The following CCSER1 variants were observed in gnomAD, a reference collection of about 807,000 sequenced individuals.
The protein encoded by CCSER1 is serine-rich coiled-coil domain-containing protein 1.
A neutral mutation model predicts 82.0 loss-of-function variants in CCSER1; 41 were observed. That is an observed-to-expected ratio of 0.50 (90% CI 0.39 to 0.65). CCSER1 has a LOEUF of 0.65. CCSER1 is among the 30% of genes least tolerant of loss of function. The pLI is 0.00. For synonymous variants in CCSER1, 414 were observed against 383.9 expected, an observed-to-expected ratio of 1.08 and a Z score of -0.92; for missense variants, 1,119 against 1,064.2, an observed-to-expected ratio of 1.05 and a Z score of -0.72.
chr4:90,571,292 C>A lies in CCSER1; in HGVS notation c.1725-56733C>A, dbSNP rs1421758337. ...GACACCTTCACTCATATGTTTATTG[C>A]AACACTATTCACAATAGTAAAGGGA... On this transcript the variant is annotated intron_variant, in intron 5 of 10. Transcript: ENST00000509176. 3.3e-5 allele frequency among the ~76,000 whole-genome samples: 5 copies of A among 152,248 alleles called. No homozygotes were observed. The South Asian group carries it at 1.0e-3, about 32-fold the overall frequency.
intron 6 of CCSER1, among the ~76,000 whole-genome samples, chr4:90,688,045 A>G (rs1435593036): frequency 1.3e-5 from 2 of 152,148 alleles, no homozygotes; most frequent in African/African-American, 4.8e-5. Context: ...ATGCAGAAAC[A>G]TAGAATGTTA....
chr4:91,305,918 C>T (rs192906996), intron 10 of CCSER1, among the ~76,000 whole-genome samples: 211 of 149,800 alleles, frequency 1.4e-3, no homozygotes, highest in African/African-American at 4.8e-3. Context: ...CTCACTATCA[C>T]GAGAACAGCA....
intron 10 of CCSER1, among the ~76,000 whole-genome samples, chr4:91,282,949 C>T (rs1333951249): frequency 4.6e-5 from 7 of 151,958 alleles, no homozygotes; most frequent in East Asian, 1.9e-4. Context: ...TCATACTTTT[C>T]GTGTGCTAAG....
intron 8 of CCSER1, among the ~76,000 whole-genome samples, chr4:90,850,652 C>A (rs575372663): frequency 6.6e-6 from 1 of 152,174 alleles, no homozygotes; most frequent in African/African-American, 2.4e-5. Flanking sequence ...TTGGAATGGA[C>A]GCATTTACCC....
intron 10 of CCSER1, among the ~76,000 whole-genome samples, chr4:91,258,718 A>T (rs750062927): frequency 6.6e-6 from 1 of 152,180 alleles, no homozygotes; most frequent in Non-Finnish European, 1.5e-5. Context: ...GTCAAGTCCT[A>T]TGCTAATATG....
At chr4:90,550,103 G>T (rs991284326) in intron 5 of CCSER1, among the ~76,000 whole-genome samples, 7 of 152,098 alleles carry the variant, frequency 4.6e-5, no homozygotes, top group Admixed American at 2.6e-4. Context: ...AATTTGGAAA[G>T]CAGGGAAGGG....
chr4:90,168,276 T>C (rs901628468), intron 1 of CCSER1, among the ~76,000 whole-genome samples: 1 of 152,142 alleles, frequency 6.6e-6, no homozygotes, highest in Non-Finnish European at 1.5e-5. Flanking sequence ...ATGTCTTCTT[T>C]TGAGAAGTGT....
chr4:90,984,819 AGTCT>A lies in CCSER1; in HGVS notation c.2172+61375_2172+61378del, dbSNP rs1216022385. Among the ~76,000 whole-genome samples, 6 of 151,850 alleles carry A rather than the reference AGTCT, an allele frequency of 4.0e-5. No homozygotes were observed. The East Asian group carries it at 1.2e-3, about 29-fold the overall frequency. ...TTTCTACAGTCAGACTTAGTATCTT[AGTCT>A]GTACACAGTCAGACTTAGTATCTTA... On this transcript the variant is annotated intron_variant, in intron 9 of 10. Transcript: ENST00000509176.
At chr4:90,830,042 G>T (rs758314701) in intron 8 of CCSER1, among the ~76,000 whole-genome samples, 5 of 152,162 alleles carry the variant, frequency 3.3e-5, no homozygotes, top group Non-Finnish European at 7.3e-5. Flanking sequence ...AGCCTGTGTG[G>T]ACCATCAGGA....
At chr4:90,749,827 A>G (rs948249778) in intron 7 of CCSER1, among the ~76,000 whole-genome samples, 6 of 151,784 alleles carry the variant, frequency 4.0e-5, no homozygotes, top group Non-Finnish European at 8.8e-5. Flanking sequence ...TGGCTGGGTC[A>G]AATGGTATTT....
chr4:91,389,950 C>T (rs187351837), intron 10 of CCSER1, among the ~76,000 whole-genome samples: 3 of 152,038 alleles, frequency 2.0e-5, no homozygotes, highest in Non-Finnish European at 4.4e-5. Context: ...ATCACTAGTT[C>T]CAGAAATTTT....
At chr4:91,130,332 T>C (rs1422731241) in intron 10 of CCSER1, among the ~76,000 whole-genome samples, 3 of 151,942 alleles carry the variant, frequency 2.0e-5, no homozygotes, top group Non-Finnish European at 4.4e-5. Context: ...ATAACCAACA[T>C]TTACATTATC....
intron 8 of CCSER1, among the ~76,000 whole-genome samples, chr4:90,822,454 C>A (rs1363980600): frequency 6.6e-6 from 1 of 152,092 alleles, no homozygotes; most frequent in Non-Finnish European, 1.5e-5. Context: ...TTTGGCTGGG[C>A]CTGGTGACTC....
Position 90,503,681 on chromosome 4 carries a change from C to G in CCSER1, c.1724+35327C>G, listed in dbSNP as rs776209601. Among the ~76,000 whole-genome samples, 4 of 152,054 alleles carry G rather than the reference C, an allele frequency of 2.6e-5. No homozygotes were observed. In the South Asian group the frequency reaches 8.3e-4, roughly 32 times the overall value. On this transcript the variant is annotated intron_variant, in intron 5 of 10. Coordinates refer to ENST00000509176, the MANE Select transcript of CCSER1 (RefSeq NM_001145065.2). ...TGCGGTTTTTGGTTTTTTCTCCTTGCGATAGTTTGCTGAGAAGGATGGTTT... is the reference window on the plus strand; with the variant it reads ...TGCGGTTTTTGGTTTTTTCTCCTTGGGATAGTTTGCTGAGAAGGATGGTTT...
intron 1 of CCSER1, among the ~76,000 whole-genome samples, chr4:90,225,396 T>C (rs1742980179): frequency 6.6e-6 from 1 of 152,012 alleles, no homozygotes; most frequent in Non-Finnish European, 1.5e-5. Context: ...TTCTGTTACC[T>C]ATTCTAAAGT....
chr4:91,421,366 G>C (rs1435143325), intron 10 of CCSER1, among the ~76,000 whole-genome samples: 2 of 152,144 alleles, frequency 1.3e-5, no homozygotes, highest in African/African-American at 4.8e-5. Flanking sequence ...CTCGTCCAAG[G>C]CTGAAGGCCT....
At chr4:90,415,715 A>G (rs910466019) in intron 4 of CCSER1, among the ~76,000 whole-genome samples, 2 of 152,198 alleles carry the variant, frequency 1.3e-5, no homozygotes, top group Non-Finnish European at 2.9e-5. Flanking sequence ...AATCCATGGT[A>G]AACTAAAACA....
At chr4:91,546,030 A>G (rs555507538) in intron 10 of CCSER1, among the ~76,000 whole-genome samples, 23 of 152,040 alleles carry the variant, frequency 1.5e-4, no homozygotes, top group African/African-American at 2.9e-4. Context: ...TTCTGCATCT[A>G]TTGATATAAT....
intron 8 of CCSER1, among the ~76,000 whole-genome samples, chr4:90,920,081 A>G (rs10029331): frequency 0.47 from 70,779 of 151,540 alleles, 18,176 homozygotes; most frequent in African/African-American, 0.7. Context: ...AGGAATGACA[A>G]TGTCTGCTTA....
Sources: allele counts gnomAD v4.1 joint callset (sites outside exome capture counted in the v4.1 genomes callset), GRCh38; gene constraint gnomAD v4.1.1; transcripts MANE v1.5; gene names NCBI Gene and HGNC (gene_info 2026-07-23, HGNC 2026-07-21).